Variants in EDARADD observed in about 807,000 individuals in gnomAD.
EDARADD encodes the protein EDAR associated via death domain.
EDARADD carries 20 observed loss-of-function variants against 25.6 expected under a neutral mutation model. The ratio of observed to expected loss-of-function variants is 0.78; its 90% confidence interval spans 0.55 to 1.14. The LOEUF (loss-of-function observed/expected upper bound fraction) is 1.14. Among genes scored for constraint, EDARADD ranks in the 50% most tolerant of loss-of-function variants. EDARADD has a pLI of 0.00. For missense variants in EDARADD, 225 were observed against 270.1 expected (o/e 0.83, Z 1.17); for synonymous variants, 86 against 94.4 (o/e 0.91, Z 0.52).
Position 236,445,234 on chromosome 1 carries a change from C to CTTTTTTTTTT in EDARADD, c.219+17786_219+17795dup, listed in dbSNP as rs61333307. On this transcript the variant is annotated intron_variant, in intron 4 of 5. Transcript: ENST00000334232. ...TGCATTAGCTGGGACATAATAAATT[C>CTTTTTTTTTT]TTTTTTTTTTTGAGACAGAGTCTTG... Among the ~76,000 whole-genome samples, 23 of 89,692 alleles carry CTTTTTTTTTT rather than the reference C, an allele frequency of 2.6e-4. 6 individuals carry two copies. The highest frequency in any genetic ancestry group is 4.2e-4 in the Admixed American group (3 of 7,138). 58.8% of individuals were successfully genotyped at this position (89,692 alleles called of 152,430 possible). A position where few individuals can be genotyped will look rare whatever the true frequency, so the allele number is the denominator to read the frequency against.
At chr1:236,419,508 T>G (rs1339036429) in intron 3 of EDARADD, among the ~76,000 whole-genome samples, 2 of 152,174 alleles carry the variant, frequency 1.3e-5, no homozygotes, top group African/African-American at 2.4e-5. Context: ...TGACTGTGAT[T>G]GAAGTCACAC....
intron 3 of EDARADD, among the ~76,000 whole-genome samples, chr1:236,363,427 A>G (rs1667078146): frequency 6.6e-6 from 1 of 150,802 alleles, no homozygotes; most frequent in South Asian, 2.1e-4. Context: ...CACGTCCCCC[A>G]CATGTTCCTT....
intron 5 of EDARADD, among the ~76,000 whole-genome samples, chr1:236,474,234 T>A (rs1659446084): frequency 6.6e-6 from 1 of 152,188 alleles, no homozygotes; most frequent in Non-Finnish European, 1.5e-5. Flanking sequence ...TTGATAGTGA[T>A]AATTACTGTG....
chr1:236,397,080 G>A (rs1667529313), intron 1 of EDARADD, among the ~76,000 whole-genome samples: 1 of 152,074 alleles, frequency 6.6e-6, no homozygotes, highest in Non-Finnish European at 1.5e-5. Flanking sequence ...GGCAAGATGG[G>A]GGCTGGGAAA....
chr1:236,367,168 G>A (rs1667120616), intron 3 of EDARADD, among the ~76,000 whole-genome samples: 1 of 151,630 alleles, frequency 6.6e-6, no homozygotes, highest in African/African-American at 2.4e-5. Context: ...TTCAGGCTAG[G>A]CAATACCTCC....
At chr1:236,426,450 G>A (rs947198829) in intron 3 of EDARADD, among the ~76,000 whole-genome samples, 1 of 152,206 alleles carries the variant, frequency 6.6e-6, no homozygotes, top group African/African-American at 2.4e-5. Flanking sequence ...CACGCAGGGG[G>A]ACACAGATGT....
At chr1:236,383,663 GA>G (rs1358508916) in intron 3 of EDARADD, among the ~76,000 whole-genome samples, 1 of 152,096 alleles carries the variant, frequency 6.6e-6, no homozygotes, top group East Asian at 1.9e-4. Flanking sequence ...ATACAGACTG[GA>G]TTTTTTTTCT....
Position 236,464,119 on chromosome 1 carries a change from A to G in EDARADD, c.220-4112A>G, listed in dbSNP as rs116500979. Reference sequence around the variant, plus strand: ...ACACGCGTGTTCTTCAGCCATCTCCATGGCCTCACTGCCCACCTGGTATCA... The same window carrying G: ...ACACGCGTGTTCTTCAGCCATCTCCGTGGCCTCACTGCCCACCTGGTATCA... On this transcript the variant is annotated intron_variant, in intron 4 of 5. Transcript: ENST00000334232. 5.3e-3 allele frequency among the ~76,000 whole-genome samples: 813 copies of G among 152,290 alleles called. 12 individuals are homozygous for G. Among genetic ancestry groups the G allele is most frequent in the African/African-American group, 0.019 (778 of 41,552 alleles).
chr1:236,368,119 G>C (rs1393993282), intron 3 of EDARADD, among the ~76,000 whole-genome samples: 1 of 151,930 alleles, frequency 6.6e-6, no homozygotes, highest in Non-Finnish European at 1.5e-5. Flanking sequence ...CAAATAAAAA[G>C]AAAAAATCCA....
At chr1:236,428,624 G>T (rs1414669748) in intron 4 of EDARADD, among the ~76,000 whole-genome samples, 1 of 150,604 alleles carries the variant, frequency 6.6e-6, no homozygotes, top group African/African-American at 2.5e-5. Flanking sequence ...ATGGGCGGCC[G>T]GGCGGAGACG....
At chr1:236,353,890 GT>G (rs1004986136) in intron 3 of EDARADD, among the ~76,000 whole-genome samples, 12 of 150,820 alleles carry the variant, frequency 8.0e-5, no homozygotes, top group Admixed American at 2.7e-4. Context: ...TAAAAAAAAA[GT>G]TTTTTTTTGC....
At chr1:236,358,820 T>C (rs2102990894) in intron 3 of EDARADD, among the ~76,000 whole-genome samples, 1 of 148,830 alleles carries the variant, frequency 6.7e-6, no homozygotes, top group Middle Eastern at 3.4e-3. Context: ...GTAAGTGCCA[T>C]ATGGCACCAA....
At chr1:236,457,892 T>TC (rs1658920042) in intron 4 of EDARADD, among the ~76,000 whole-genome samples, 3 of 152,088 alleles carry the variant, frequency 2.0e-5, no homozygotes. Context: ...AGTAGTTATT[T>TC]CCCCAAGAAG....
At chr1:236,458,941 C>T (rs1354178128) in intron 4 of EDARADD, among the ~76,000 whole-genome samples, 8 of 151,768 alleles carry the variant, frequency 5.3e-5, no homozygotes, top group Admixed American at 2.6e-4. Context: ...CGCCCCCAGC[C>T]GGTATTTTTT....
At chr1:236,419,309 G>T (rs1317809319) in intron 3 of EDARADD, among the ~76,000 whole-genome samples, 2 of 152,116 alleles carry the variant, frequency 1.3e-5, no homozygotes, top group African/African-American at 4.8e-5. Flanking sequence ...CTGGAGGATC[G>T]TTTGAGCCTG....
chr1:236,393,395 T>TTTC (rs1310566230), upstream of EDARADD, among the ~76,000 whole-genome samples: 7 of 110,406 alleles, frequency 6.3e-5, no homozygotes, highest in Admixed American at 4.4e-4. Flanking sequence ...TTCTTTCTTT[T>TTTC]TTTTTTTTTT....
intron 4 of EDARADD, among the ~76,000 whole-genome samples, chr1:236,430,678 A>G (rs1246050248): frequency 6.6e-6 from 1 of 152,226 alleles, no homozygotes; most frequent in Non-Finnish European, 1.5e-5. Flanking sequence ...ATTTCTTTGT[A>G]TAATCTATAG....
intron 4 of EDARADD, among the ~76,000 whole-genome samples, chr1:236,448,226 C>T (rs1658618080): frequency 6.6e-6 from 1 of 152,222 alleles, no homozygotes; most frequent in East Asian, 1.9e-4. Flanking sequence ...AAGCATTGAT[C>T]TTCCTTAAAT....
intron 5 of EDARADD, among the ~76,000 whole-genome samples, chr1:236,481,408 A>G (rs909140293): frequency 6.6e-6 from 1 of 152,146 alleles, no homozygotes; most frequent in Non-Finnish European, 1.5e-5. Context: ...TCTTGGAAAG[A>G]AAGGGAAACT....
Sources: allele counts gnomAD v4.1 joint callset (sites outside exome capture counted in the v4.1 genomes callset), GRCh38; gene constraint gnomAD v4.1.1; transcripts MANE v1.5; gene names NCBI Gene and HGNC (gene_info 2026-07-23, HGNC 2026-07-21).